KLHL13: variants seen among roughly 807,000 people sequenced by gnomAD.
KLHL13 encodes kelch like family member 13.
Under a neutral mutation model 37.1 loss-of-function variants are expected in KLHL13, and 10 were observed. The ratio of observed to expected loss-of-function variants is 0.27; its 90% CI spans 0.17 to 0.46. KLHL13 has a LOEUF of 0.46. Among genes scored for constraint, KLHL13 ranks in the 20% least tolerant of loss-of-function variants. The probability of loss-of-function intolerance (pLI) is 1.00; values close to 1 mark genes in which losing one functional copy is unlikely to be tolerated. For missense variants in KLHL13, 360 were observed against 509.3 expected (o/e 0.71, Z 2.82); for synonymous variants, 163 against 181.2 (o/e 0.90, Z 0.81).
intron 5 of KLHL13, among the ~76,000 whole-genome samples, chrX:117,908,452 A>T (rs1930728337): frequency 9.2e-6 from 1 of 109,133 alleles, no homozygotes; most frequent in South Asian, 4.0e-4. Context: ...GACAGACTCT[A>T]TTTATAATAG....
chrX:118,028,373 T>A, intron 1 of KLHL13, 51 bp downstream of exon 2: 1 of 733,808 alleles, frequency 1.4e-6, no homozygotes, highest in Non-Finnish European at 2.0e-6. Flanking sequence ...CTATGTTAGG[T>A]ATATAAATAG....
intron 1 of KLHL13, among the ~76,000 whole-genome samples, chrX:118,060,289 T>C (rs1269406593): frequency 9.0e-6 from 1 of 111,450 alleles, no homozygotes. Context: ...TTGTGCATCA[T>C]GTAGACCTGG....
At chrX:117,964,675 G>A (rs1479745532) in intron 1 of KLHL13, among the ~76,000 whole-genome samples, 1 of 111,513 alleles carries the variant, frequency 9.0e-6, no homozygotes, top group Non-Finnish European at 1.9e-5. Context: ...CCATGTTGGT[G>A]TGCTGCACCC....
At chrX:118,024,026 G>T (rs1178683156) in intron 1 of KLHL13, among the ~76,000 whole-genome samples, 1 of 111,925 alleles carries the variant, frequency 8.9e-6, no homozygotes, top group African/African-American at 3.2e-5. Flanking sequence ...TTTCAAAGGG[G>T]CTTTATTTAT....
intron 1 of KLHL13, among the ~76,000 whole-genome samples, chrX:117,986,892 T>A (rs915856065): frequency 8.9e-6 from 1 of 112,013 alleles, no homozygotes; most frequent in African/African-American, 3.2e-5. Flanking sequence ...TAAAAGAGGA[T>A]GGTGAGAAAA....
intron 2 of KLHL13, among the ~76,000 whole-genome samples, chrX:117,939,265 T>C (rs754769406): frequency 2.7e-5 from 3 of 112,019 alleles, no homozygotes; most frequent in Admixed American, 9.5e-5. Context: ...GCAAAGGACA[T>C]GAACTCATCC....
intron 1 of KLHL13, among the ~76,000 whole-genome samples, chrX:118,101,960 G>C (rs1227469475): frequency 1.8e-5 from 2 of 111,547 alleles, no homozygotes; most frequent in Admixed American, 1.9e-4. Context: ...ATCCAGTCTT[G>C]GGTATTTCTT....
intron 2 of KLHL13, among the ~76,000 whole-genome samples, chrX:117,922,587 C>A (rs1002957003): frequency 2.7e-5 from 3 of 111,437 alleles, no homozygotes; most frequent in African/African-American, 9.8e-5. Context: ...GAAACCTCTC[C>A]CAATAATAAA....
intron 1 of KLHL13, among the ~76,000 whole-genome samples, chrX:117,983,222 G>A (rs959972718): frequency 9.0e-6 from 1 of 111,018 alleles, no homozygotes; most frequent in Non-Finnish European, 1.9e-5. Flanking sequence ...TTCCTTGCCC[G>A]TCTCACAGTG....
intron 1 of KLHL13, among the ~76,000 whole-genome samples, chrX:118,038,505 T>C (rs896388618): frequency 9.0e-6 from 1 of 111,022 alleles, no homozygotes; most frequent in African/African-American, 3.3e-5. Context: ...GGAGAGAGAT[T>C]GCAGTAATGG....
intron 2 of KLHL13, among the ~76,000 whole-genome samples, chrX:117,930,238 AAGGG>A (rs1203876792): frequency 0.035 from 2,835 of 80,668 alleles, 62 homozygotes; most frequent in Middle Eastern, 0.081. Flanking sequence ...GGAAGGAAGG[AAGGG>A]AGGAAGGAAG....
At position 118,054,025 on chromosome X, in the gene KLHL13, G is replaced by A. The variant is rs1045322381; in HGVS notation, c.-56+62483C>T. ...ACAATGAAGGAGAAAGAAGAAAAACGCTTACAAAAGATTTTAAGTGGAAAT... is the reference window on the plus strand; with the variant it reads ...ACAATGAAGGAGAAAGAAGAAAAACACTTACAAAAGATTTTAAGTGGAAAT... On this transcript the variant is annotated intron_variant, in intron 1 of 6. Transcript: ENST00000371882. 9.9e-5 allele frequency among the ~76,000 whole-genome samples: 11 copies of A among 110,872 alleles called. No homozygotes were observed. The East Asian group carries it at 2.0e-3, about 20-fold the overall frequency.
rs751401020 is a variant in KLHL13, at chrX:117,909,494, G to C, written c.1173C>G (p.Leu391=). ...AATTACTCTGTCCGCCAACCACATAGAGAAAATTTCCAATGACGGCGATGC... is the reference window on the plus strand; with the variant it reads ...AATTACTCTGTCCGCCAACCACATACAGAAAATTTCCAATGACGGCGATGC... Residue 391 remains leucine (L), a synonymous_variant, in exon 5 of 7, where the codon CTC becomes CTG. Coordinates refer to ENST00000262820, the Ensembl canonical transcript of KLHL13. 627 of 1,209,900 alleles carry C rather than the reference G, an allele frequency of 5.2e-4. 5 individuals carry two copies. The South Asian group carries it at 0.01, about 20-fold the overall frequency.
rs184233027 is a variant in KLHL13, at chrX:118,096,072, A to T, written c.-56+20436T>A. Among the ~76,000 whole-genome samples, 1,033 of 112,156 alleles carry T rather than the reference A, an allele frequency of 9.2e-3. 10 individuals carry two copies. Among genetic ancestry groups the T allele is most frequent in the African/African-American group, 0.031 (960 of 30,914 alleles). ...AAGCTAGCAGAAGGCAAGAAATAAC[A>T]AAGATCAGAGCAGAACTGAAGGAAA... is the stretch of plus-strand genomic sequence containing the variant. On this transcript the variant is annotated intron_variant, in intron 1 of 6. Coordinates refer to the KLHL13 transcript ENST00000371882.
At chrX:118,052,326 A>T (rs2054623546) in intron 1 of KLHL13, among the ~76,000 whole-genome samples, 1 of 97,731 alleles carries the variant, frequency 1.0e-5, no homozygotes, top group Admixed American at 1.2e-4. Context: ...ATCCTGGCTA[A>T]CACAGTGAAA....
chrX:118,089,113 A>G (rs1397391227), intron 1 of KLHL13, among the ~76,000 whole-genome samples: 1 of 111,597 alleles, frequency 9.0e-6, no homozygotes, highest in Admixed American at 9.6e-5. Context: ...ACAGAAAAAA[A>G]TATGGCTGCA....
intron 2 of KLHL13, 59 bp from the exon 4 acceptor site, chrX:117,920,429 G>A (rs887165365): frequency 1.9e-4 from 216 of 1,113,568 alleles, no homozygotes; most frequent in Non-Finnish European, 2.5e-4. Flanking sequence ...ACAAATCTTC[G>A]TGTGCTAAAA....
intron 1 of KLHL13, among the ~76,000 whole-genome samples, chrX:118,111,018 A>G (rs1327928807): frequency 2.7e-5 from 3 of 112,341 alleles, no homozygotes; most frequent in African/African-American, 6.5e-5. Context: ...ATCAGTATAT[A>G]TTTACATGGT....
At chrX:117,973,829 C>T (rs1425930546), upstream of KLHL13, 4 of 536,816 alleles carry the variant, frequency 7.5e-6, no homozygotes, top group Non-Finnish European at 8.9e-6. Context: ...ACCCCCCCCA[C>T]TCCTCCCCTC....
Sources: gnomAD v4.1 joint callset for allele counts (sites outside exome capture counted in the v4.1 genomes callset) on GRCh38, gnomAD v4.1.1 for gene constraint, MANE v1.5 for transcripts, NCBI Gene and HGNC (gene_info 2026-07-23, HGNC 2026-07-21) for gene names.